JAK2: variants seen among roughly 807,000 people sequenced by gnomAD.
JAK2 encodes Janus kinase 2.
A neutral mutation model predicts 139.3 loss-of-function variants in JAK2; 86 were observed. The ratio of observed to expected loss-of-function variants is 0.62; its 90% confidence interval spans 0.52 to 0.74. The LOEUF is 0.74. JAK2 is among the 30% of genes least tolerant of loss of function. JAK2 has a pLI of 0.00. For synonymous variants in JAK2, 490 were observed against 437.7 expected (o/e 1.12, Z -1.49); for missense variants, 1,421 against 1,360.3 (o/e 1.04, Z -0.70).
intron 22 of JAK2, chr9:5,100,488 C>T (rs369300964): frequency 6.6e-6 from 1 of 152,170 alleles, no homozygotes; most frequent in Non-Finnish European, 1.5e-5. Flanking sequence ...TGGAATAATT[C>T]TATTTATTAT....
In JAK2 at chr9:5,065,041, G is replaced by A. The variant is rs1471795147; in HGVS notation, c.1214+1G>A. Reference sequence around the variant, plus strand: ...AAAGCAACTGTCATGGCCCAATTTCGTGAGTAATACAGACTTAAAAGTAAA... The same window carrying A: ...AAAGCAACTGTCATGGCCCAATTTCATGAGTAATACAGACTTAAAAGTAAA... On this transcript the variant is annotated splice_donor_variant, in intron 9 of 24. Transcript: ENST00000381652. LOFTEE classifies it high-confidence loss of function. The A allele has an allele frequency of 1.9e-6, 3 of 1,572,092 alleles. No individual in the cohort carries two copies. Among genetic ancestry groups the A allele is most frequent in the East Asian group, 2.3e-5 (1 of 43,420 alleles).
Position 5,129,114 on chromosome 9 carries a change from T to G in JAK2, c.*2323T>G, listed in dbSNP as rs987966170. On this transcript the variant is annotated 3_prime_UTR_variant, in exon 25 of 25. Transcript: ENST00000381652. ...TAATTTTCATCACAACTATAACTTC[T>G]GGTATTTAAATTTTATTTAAACAGC... is the stretch of plus-strand genomic sequence containing the variant. Among the ~76,000 whole-genome samples the G allele has an allele frequency of 6.6e-6, 1 of 152,092 alleles. No homozygotes were observed. Among genetic ancestry groups the G allele is most frequent in the African/African-American group, 2.4e-5 (1 of 41,444 alleles).
chr9:5,066,657 T>C, intron 9 of JAK2, 21 bp from the exon 10 acceptor site: 1 of 1,322,158 alleles, frequency 7.6e-7, no homozygotes. Flanking sequence ...ATTATTCAAA[T>C]TGCTTCTTCT....
intron 8 of JAK2, among the ~76,000 whole-genome samples, chr9:5,056,446 T>A (rs1306338828): frequency 1.3e-5 from 2 of 152,112 alleles, no homozygotes; most frequent in African/African-American, 4.8e-5. Flanking sequence ...ATTTGTCTAT[T>A]TATCTTAAGT....
At chr9:5,014,164 C>CTTT (rs200845162) in intron 2 of JAK2, among the ~76,000 whole-genome samples, 16 of 117,532 alleles carry the variant, frequency 1.4e-4, no homozygotes, top group East Asian at 2.5e-4. Context: ...TTTACTCTTT[C>CTTT]TTTTTTTTTT....
chr9:5,038,750 G>A (rs574442083), intron 4 of JAK2, among the ~76,000 whole-genome samples: 4 of 151,948 alleles, frequency 2.6e-5, no homozygotes, highest in Non-Finnish European at 4.4e-5. Flanking sequence ...GGAGCATTTC[G>A]GATTTCAGAT....
chr9:5,067,685 T>C (rs369733834), intron 10 of JAK2, among the ~76,000 whole-genome samples: 1 of 152,050 alleles, frequency 6.6e-6, no homozygotes, highest in African/African-American at 2.4e-5. Flanking sequence ...GTTCACTGTA[T>C]GTGCCAAGCC....
At chr9:5,063,447 C>A (rs1818331467) in intron 8 of JAK2, among the ~76,000 whole-genome samples, 1 of 152,112 alleles carries the variant, frequency 6.6e-6, no homozygotes, top group African/African-American at 2.4e-5. Flanking sequence ...ATTTTGTCAG[C>A]TGTAATTTTT....
At position 5,048,134 on chromosome 9, in the gene JAK2, T is replaced by G. The variant is rs527779739; in HGVS notation, c.469-2552T>G. 7.2e-5 allele frequency among the ~76,000 whole-genome samples: 11 copies of G among 152,082 alleles called. No individual in the cohort carries two copies. The South Asian group carries it at 2.3e-3, about 32-fold the overall frequency. On this transcript the variant is annotated intron_variant, in intron 5 of 24. Coordinates refer to ENST00000381652, the MANE Select transcript of JAK2 (RefSeq NM_004972.4). ...ATGAGCAGAATTTGTTATCTACCAG[T>G]TCTTTTCTTTTCTTTCTTTTTTTTT...
At chr9:5,004,615 T>C (rs1457077965) in intron 2 of JAK2, among the ~76,000 whole-genome samples, 1 of 152,158 alleles carries the variant, frequency 6.6e-6, no homozygotes, top group African/African-American at 2.4e-5. Context: ...TAGATATTGC[T>C]TTGACATATT....
chr9:5,018,028 G>C (rs779808991), intron 2 of JAK2, among the ~76,000 whole-genome samples: 2 of 152,166 alleles, frequency 1.3e-5, no homozygotes, highest in Non-Finnish European at 2.9e-5. Flanking sequence ...ATGTAGTTGG[G>C]TCATGTTTTT....
intron 19 of JAK2, among the ~76,000 whole-genome samples, chr9:5,087,377 T>C (rs549200556): frequency 1.1e-4 from 16 of 152,296 alleles, no homozygotes; most frequent in African/African-American, 3.6e-4. Context: ...CCCGCATGAT[T>C]CAGTTGCCTC....
intron 4 of JAK2, among the ~76,000 whole-genome samples, chr9:5,043,401 G>A (rs1048370049): frequency 1.3e-5 from 2 of 152,060 alleles, no homozygotes. Flanking sequence ...ACCACGATGG[G>A]ATAATAATAG....
At chr9:5,007,044 T>C (rs1459365593) in intron 2 of JAK2, among the ~76,000 whole-genome samples, 1 of 152,164 alleles carries the variant, frequency 6.6e-6, no homozygotes, top group Admixed American at 6.5e-5. Context: ...GTCTTTCTAG[T>C]GTTTTATCAA....
chr9:5,064,472 G>C (rs1195576199), intron 8 of JAK2, among the ~76,000 whole-genome samples: 1 of 151,546 alleles, frequency 6.6e-6, no homozygotes, highest in Admixed American at 6.6e-5. Context: ...GGAGGTTGCA[G>C]TGAGCCAAGA....
intron 4 of JAK2, chr9:5,041,075 C>G (rs1816466909): frequency 1.4e-6 from 1 of 694,224 alleles, no homozygotes; most frequent in Admixed American, 2.1e-5. Context: ...CTCAGGTCTA[C>G]TACCTACTAC....
chr9:5,070,553 C>G (rs981834828), intron 12 of JAK2, among the ~76,000 whole-genome samples: 4 of 151,892 alleles, frequency 2.6e-5, no homozygotes, highest in African/African-American at 9.7e-5. Flanking sequence ...CACTGTATTT[C>G]TTTTTTTAAA....
At position 5,075,968 on chromosome 9, in the gene JAK2, C is replaced by T. The variant is rs368810433; in HGVS notation, c.1865-1485C>T. 4.6e-5 allele frequency among the ~76,000 whole-genome samples: 7 copies of T among 152,168 alleles called. No homozygotes were observed. In the East Asian group the frequency reaches 1.4e-3, roughly 29 times the overall value. ...GGAATTTGGAAAAAGTTCATTCTAA[C>T]CCTCCTGGATGACTTTGAGGGATAT... On this transcript the variant is annotated intron_variant, in intron 14 of 24. Coordinates refer to ENST00000381652, the MANE Select transcript of JAK2 (RefSeq NM_004972.4).
chr9:5,113,542 C>T lies in JAK2; in HGVS notation c.3060-9462C>T, dbSNP rs148402167. On this transcript the variant is annotated intron_variant, in intron 22 of 24. Transcript: ENST00000381652. ...GTGGGCTGGTCTCAGCTGATCTTGA[C>T]TGTCCCGCCTCCACACAGGGCCCAT... 160 of 154,294 alleles carry T rather than the reference C, an allele frequency of 1.0e-3. 1 individual carries two copies. Among genetic ancestry groups the T allele is most frequent in the Non-Finnish European group, 1.3e-3 (90 of 68,486 alleles). The allele number at this position is 154,294 out of a possible 1,614,324, so 9.6% of individuals were successfully genotyped here.
Sources: allele counts gnomAD v4.1 joint callset (sites outside exome capture counted in the v4.1 genomes callset), GRCh38; gene constraint gnomAD v4.1.1; transcripts MANE v1.5; gene names NCBI Gene and HGNC (gene_info 2026-07-23, HGNC 2026-07-21).